The following ZMYM2 variants were observed in gnomAD, a reference collection of about 807,000 sequenced individuals.
ZMYM2 encodes zinc finger MYM-type protein 2.
In ZMYM2, 56 loss-of-function variants were observed where a neutral mutation model predicts 162.8. The ratio of observed to expected loss-of-function variants is 0.34; its 90% CI spans 0.28 to 0.43. The LOEUF (loss-of-function observed/expected upper bound fraction) is 0.43. ZMYM2 is among the 20% of genes least tolerant of loss of function. ZMYM2 has a pLI of 1.00. For missense variants in ZMYM2, 1,275 were observed against 1,621.8 expected, an observed-to-expected ratio of 0.79 and a Z score of 3.67; for synonymous variants, 510 against 541.6, an observed-to-expected ratio of 0.94 and a Z score of 0.81.
At chr13:20,061,364 T>TAA in intron 17 of ZMYM2, 140 bp downstream of exon 17, 2 of 745,086 alleles carry the variant, frequency 2.7e-6, no homozygotes, top group South Asian at 2.9e-5. Context: ...AAATGTTTTT[T>TAA]ATATTAAGAG....
chr13:20,075,670 C>CTTTTTTTTTTTTTTTTT (rs56664916), intron 21 of ZMYM2, among the ~76,000 whole-genome samples: 19 of 75,718 alleles, frequency 2.5e-4, no homozygotes, highest in African/African-American at 6.5e-4. Context: ...CTATAGACAC[C>CTTTTTTTTTTTTTTTTT]TTTTTTTTTT....
chr13:19,955,124 G>T (rs906368260), upstream of ZMYM2, among the ~76,000 whole-genome samples: 2 of 150,254 alleles, frequency 1.3e-5, no homozygotes, highest in South Asian at 4.2e-4. Context: ...AAGACTACTT[G>T]ATTTAGTTAC....
the ZMYM2 span, among the ~76,000 whole-genome samples, chr13:19,893,718 C>T: frequency 7.3e-5 from 11 of 151,056 alleles, no homozygotes; most frequent in Non-Finnish European, 1.5e-4. Flanking sequence ...CTAGCCTGGG[C>T]GACAGAGTGA....
intron 9 of ZMYM2, among the ~76,000 whole-genome samples, chr13:20,029,813 T>C (rs964896764): frequency 1.3e-5 from 2 of 152,244 alleles, no homozygotes; most frequent in South Asian, 4.1e-4. Context: ...TTTTTTTTTT[T>C]TGGAGACAGA....
chr13:20,043,025 A>AT lies in ZMYM2; in HGVS notation c.2292+6125dup, dbSNP rs1009575286. Among the ~76,000 whole-genome samples, 13 of 151,332 alleles carry AT rather than the reference A, an allele frequency of 8.6e-5. No individual in the cohort carries two copies. In the East Asian group the frequency reaches 9.7e-4, roughly 11 times the overall value. On this transcript the variant is annotated intron_variant, in intron 12 of 24. Coordinates refer to ENST00000610343, the MANE Select transcript of ZMYM2 (RefSeq NM_197968.4). The stretch of plus-strand genomic sequence containing the variant: ...AGACATGGACCACTGTGCCCAGCCA[A>AT]TTTTTTTTTCTTGTATCCTATATTT...
chr13:20,061,107 G>C lies in ZMYM2; in HGVS notation c.2794G>C (p.Ala932Pro). ...APLDSSEKIP[A>P]AIEELKSKVS... The stretch of plus-strand genomic sequence containing the variant: ...ATTGGACAGCAGTGAGAAGATTCCT[G>C]CAGCAATTGAGGAGCTAAAAAGCAA... Residue 932 changes from alanine (A) to proline (P), a missense_variant, in exon 17 of 25, where the codon GCA becomes CCA. Transcript: ENST00000610343. 6.2e-7 allele frequency: 1 copy of C among 1,612,700 alleles called. No individual in the cohort carries two copies. The highest frequency in any genetic ancestry group is 1.7e-5 in the Admixed American group (1 of 59,846).
At chr13:19,965,434 T>C (rs1955658742) in intron 2 of ZMYM2, among the ~76,000 whole-genome samples, 1 of 152,230 alleles carries the variant, frequency 6.6e-6, no homozygotes, top group Non-Finnish European at 1.5e-5. Flanking sequence ...CAAGTTGGAC[T>C]AGACAGAGTG....
At chr13:19,890,414 T>C in the ZMYM2 span, among the ~76,000 whole-genome samples, 1 of 147,728 alleles carries the variant, frequency 6.8e-6, no homozygotes, top group Non-Finnish European at 1.5e-5. Flanking sequence ...GCAATCCTCC[T>C]GCCTCGGCCT....
chr13:19,917,164 G>A, the ZMYM2 span, among the ~76,000 whole-genome samples: 56 of 151,984 alleles, frequency 3.7e-4, no homozygotes, highest in East Asian at 0.01. Context: ...GGGTTTCACT[G>A]TGTTAGCCAG....
At chr13:20,027,907 G>A (rs1444592720) in intron 9 of ZMYM2, 4 of 168,780 alleles carry the variant, frequency 2.4e-5, no homozygotes, top group African/African-American at 9.5e-5. Flanking sequence ...TGACCACTAG[G>A]AAGGAATAGT....
At chr13:20,049,074 C>T (rs1011811807) in intron 12 of ZMYM2, among the ~76,000 whole-genome samples, 3 of 151,882 alleles carry the variant, frequency 2.0e-5, no homozygotes, top group African/African-American at 7.2e-5. Context: ...AAACACTTCA[C>T]TAGGAGTTTG....
chr13:20,075,531 G>A (rs1957421240), intron 21 of ZMYM2, among the ~76,000 whole-genome samples: 1 of 152,064 alleles, frequency 6.6e-6, no homozygotes, highest in South Asian at 2.1e-4. Context: ...ATATGAAAAT[G>A]TTTGAGGAAG....
rs1441610388 is a variant in ZMYM2 at position 20,019,624 on chromosome 13, C to A, written c.1584+6C>A. 1.3e-6 allele frequency: 2 copies of A among 1,587,018 alleles called. No homozygotes were observed. Among genetic ancestry groups the A allele is most frequent in the African/African-American group, 1.3e-5 (1 of 74,530 alleles). ...CTTTCTTAATGCAGCCTGAGGTAAG[C>A]AGGAATGTAAATGGAGTTCAAGGCC... On this transcript the variant is annotated splice_donor_region_variant and intron_variant, in intron 7 of 24. Transcript: ENST00000610343.
intron 3 of ZMYM2, among the ~76,000 whole-genome samples, chr13:19,995,034 G>A (rs908010844): frequency 6.0e-5 from 9 of 150,664 alleles, no homozygotes; most frequent in East Asian, 5.9e-4. Flanking sequence ...TTGTAGAGAC[G>A]GAGTCTTACT....
Position 19,965,410 on chromosome 13 carries a change from G to A in ZMYM2, c.-11+5384G>A, listed in dbSNP as rs1487365092. The stretch of plus-strand genomic sequence containing the variant: ...ATGTCTTTTTCCTAGGAAGAATAGT[G>A]TTTCTTGGAATATCAAGTTGGACTA... On this transcript the variant is annotated intron_variant, in intron 2 of 24. Coordinates refer to ENST00000610343, the MANE Select transcript of ZMYM2 (RefSeq NM_197968.4). 1.6e-5 allele frequency: 7 copies of A among 443,052 alleles called. No individual in the cohort carries two copies. In the East Asian group the frequency reaches 4.7e-4, roughly 30 times the overall value. 27.4% of individuals were successfully genotyped at this position (443,052 alleles called of 1,614,324 possible). A position where few individuals can be genotyped will look rare whatever the true frequency, so the allele number is the denominator to read the frequency against.
intron 12 of ZMYM2, among the ~76,000 whole-genome samples, chr13:20,041,414 T>C (rs185719809): frequency 6.6e-6 from 1 of 152,356 alleles, no homozygotes; most frequent in African/African-American, 2.4e-5. Flanking sequence ...TAGATTTTTC[T>C]CCATCCCTTT....
At chr13:19,904,356 C>T in the ZMYM2 span, among the ~76,000 whole-genome samples, 1 of 151,066 alleles carries the variant, frequency 6.6e-6, no homozygotes, top group Non-Finnish European at 1.5e-5. Context: ...CCGGAGTTCG[C>T]GACCAGCCTG....
rs763787233 is a variant in ZMYM2 at position 20,066,808 on chromosome 13, T to G, written c.3133-43T>G. 1.1e-5 allele frequency: 16 copies of G among 1,477,812 alleles called. No homozygotes were observed. The South Asian group carries it at 2.3e-4, about 21-fold the overall frequency. The allele number at this position is 1,477,812 out of a possible 1,614,324, so 91.5% of individuals were successfully genotyped here. On this transcript the variant is annotated intron_variant, in intron 19 of 24. Coordinates refer to ENST00000610343, the MANE Select transcript of ZMYM2 (RefSeq NM_197968.4). ...GCTTGTATAAAGTAATGAAATAATG[T>G]AGGCTTTAAAAAAGATATTATTATG...
the ZMYM2 span, among the ~76,000 whole-genome samples, chr13:19,873,323 T>C: frequency 2.6e-5 from 4 of 152,108 alleles, no homozygotes; most frequent in Non-Finnish European, 5.9e-5. Flanking sequence ...CCTTTCCCTC[T>C]CTCATGACAC....
Sources: allele counts gnomAD v4.1 joint callset (sites outside exome capture counted in the v4.1 genomes callset), GRCh38; gene constraint gnomAD v4.1.1; transcripts MANE v1.5; gene names NCBI Gene and HGNC (gene_info 2026-07-23, HGNC 2026-07-21).